KCNAB1: variants seen among roughly 807,000 people sequenced by gnomAD.
KCNAB1 encodes the protein potassium voltage-gated channel subfamily A regulatory beta subunit 1.
In KCNAB1, 35 loss-of-function variants were observed where a neutral mutation model predicts 64.6. The ratio of observed to expected loss-of-function variants is 0.54; its 90% CI spans 0.41 to 0.72. KCNAB1 has a LOEUF of 0.72. Among genes scored for constraint, KCNAB1 ranks in the 30% least tolerant of loss-of-function variants. KCNAB1 has a pLI of 0.00. For synonymous variants in KCNAB1, 177 were observed against 183.8 expected (o/e 0.96, Z 0.30); for missense variants, 401 against 512.9 (o/e 0.78, Z 2.11).
At position 156,444,623 on chromosome 3, in the gene KCNAB1, T is replaced by C. The variant is rs927735067; in HGVS notation, c.320-8276T>C. Among the ~76,000 whole-genome samples, 12 of 152,354 alleles carry C rather than the reference T, an allele frequency of 7.9e-5. No individual in the cohort carries two copies. In the East Asian group the frequency reaches 2.3e-3, roughly 29 times the overall value. ...CCAGCAAGAGGGTATCTTCATTCCA[T>C]GCCCTTCAATTGGTAGAGAGTGCCA... On this transcript the variant is annotated intron_variant, in intron 2 of 13. Transcript: ENST00000490337.
chr3:156,433,344 GT>G (rs1182862797), intron 2 of KCNAB1, among the ~76,000 whole-genome samples: 2 of 152,218 alleles, frequency 1.3e-5, no homozygotes, highest in African/African-American at 4.8e-5. Context: ...AGAGAAAAAG[GT>G]TCTCAATATA....
At position 156,139,584 on chromosome 3, in the gene KCNAB1, G is replaced by GTTTTTTTTTTTT. The variant is rs386398329; in HGVS notation, c.275+18713_275+18724dup. Among the ~76,000 whole-genome samples, 109 of 55,250 alleles carry GTTTTTTTTTTTT rather than the reference G, an allele frequency of 2.0e-3. 8 individuals carry two copies. Among genetic ancestry groups the GTTTTTTTTTTTT allele is most frequent in the African/African-American group, 5.5e-3 (73 of 13,218 alleles). 36.2% of individuals were successfully genotyped at this position (55,250 alleles called of 152,430 possible). A position where few individuals can be genotyped will look rare whatever the true frequency, so the allele number is the denominator to read the frequency against. On this transcript the variant is annotated intron_variant, in intron 1 of 13. Transcript: ENST00000490337. ...TTTCTCCCTAACTCCATTGTACTGTGTTTTTTTTTTTTTTTTTTTTTTTTT... is the reference window on the plus strand; with the variant it reads ...TTTCTCCCTAACTCCATTGTACTGTGTTTTTTTTTTTTTTTTTTTTTTTTTTTTTTTTTTTTT...
chr3:156,332,256 T>C (rs1279607072), intron 1 of KCNAB1, among the ~76,000 whole-genome samples: 1 of 152,186 alleles, frequency 6.6e-6, no homozygotes, highest in Non-Finnish European at 1.5e-5. Flanking sequence ...AGTTTACACA[T>C]GAATTAAAAG....
chr3:156,382,588 G>A (rs1223489076), intron 1 of KCNAB1, among the ~76,000 whole-genome samples: 6 of 152,230 alleles, frequency 3.9e-5, no homozygotes, highest in Non-Finnish European at 1.5e-5. Flanking sequence ...GCCATTTACC[G>A]ACTATTTTTT....
rs1180073518 is a variant in KCNAB1, at chr3:156,291,870, G to A, written c.276-129746G>A. On this transcript the variant is annotated intron_variant, in intron 1 of 13. Coordinates refer to ENST00000490337, the MANE Select transcript of KCNAB1 (RefSeq NM_172160.3). ...AACCTCTCGTGACTGCCTGTGTTCT[G>A]GGGTTCTGAGAGGGACCGTGCGCTG... 7 of 1,611,526 alleles carry A rather than the reference G, an allele frequency of 4.3e-6. No individual in the cohort carries two copies. The East Asian group carries it at 1.6e-4, about 36-fold the overall frequency.
intron 1 of KCNAB1, among the ~76,000 whole-genome samples, chr3:156,316,306 CTT>C (rs1426785961): frequency 6.6e-6 from 1 of 152,240 alleles, no homozygotes; most frequent in African/African-American, 2.4e-5. Flanking sequence ...AGCCTAGACT[CTT>C]TTCTTGACAC....
chr3:156,397,584 A>G (rs957375796), intron 1 of KCNAB1, among the ~76,000 whole-genome samples: 4 of 152,158 alleles, frequency 2.6e-5, no homozygotes, highest in African/African-American at 9.7e-5. Flanking sequence ...AGTTTGGCTC[A>G]CAGTCTATGT....
chr3:156,299,207 AAAG>A (rs1357278408), intron 1 of KCNAB1, among the ~76,000 whole-genome samples: 6 of 152,332 alleles, frequency 3.9e-5, no homozygotes, highest in African/African-American at 1.4e-4. Context: ...TCAACACAGG[AAAG>A]AAGCACAGCA....
intron 11 of KCNAB1, among the ~76,000 whole-genome samples, chr3:156,519,729 G>A (rs1717813513): frequency 6.6e-6 from 1 of 152,182 alleles, no homozygotes; most frequent in African/African-American, 2.4e-5. Context: ...CTCTCTACAT[G>A]TGGGTGTCAT....
chr3:156,190,363 T>G (rs1004965274), intron 1 of KCNAB1, among the ~76,000 whole-genome samples: 2 of 152,156 alleles, frequency 1.3e-5, no homozygotes, highest in Non-Finnish European at 2.9e-5. Flanking sequence ...TATAATTGCA[T>G]CCTTCATTTG....
chr3:156,366,165 A>G (rs1192732619), intron 1 of KCNAB1, among the ~76,000 whole-genome samples: 2 of 152,234 alleles, frequency 1.3e-5, no homozygotes, highest in African/African-American at 4.8e-5. Context: ...GAAGATGGGA[A>G]ATGGCAAACT....
At chr3:156,286,304 A>T (rs1339107314) in intron 1 of KCNAB1, among the ~76,000 whole-genome samples, 1 of 152,244 alleles carries the variant, frequency 6.6e-6, no homozygotes, top group Non-Finnish European at 1.5e-5. Flanking sequence ...TGAATAGCAA[A>T]CTTGCATCCT....
chr3:156,175,776 G>C (rs577751181), intron 1 of KCNAB1: 1 of 575,722 alleles, frequency 1.7e-6, no homozygotes, highest in African/African-American at 1.9e-5. Context: ...CTGAAGGGAG[G>C]GTGCTAGCCT....
chr3:156,286,650 C>T (rs1040404430), intron 1 of KCNAB1, among the ~76,000 whole-genome samples: 1 of 152,174 alleles, frequency 6.6e-6, no homozygotes. Flanking sequence ...TGGTAAAAGA[C>T]ATACTCAAAA....
intron 7 of KCNAB1, among the ~76,000 whole-genome samples, chr3:156,470,152 A>G (rs546248465): frequency 1.3e-5 from 2 of 152,348 alleles, no homozygotes; most frequent in Admixed American, 6.5e-5. Flanking sequence ...CTTTTTAATG[A>G]GCCCAAAGTT....
chr3:156,234,839 T>G (rs1716758113), intron 1 of KCNAB1, among the ~76,000 whole-genome samples: 1 of 152,202 alleles, frequency 6.6e-6, no homozygotes, highest in Non-Finnish European at 1.5e-5. Context: ...TCCTGATATC[T>G]TCACTCACAT....
At chr3:156,177,565 G>A (rs1204889947) in intron 1 of KCNAB1, among the ~76,000 whole-genome samples, 1 of 152,014 alleles carries the variant, frequency 6.6e-6, no homozygotes, top group Middle Eastern at 3.2e-3. Flanking sequence ...TTTTAGTAGA[G>A]ACGGGGTTTC....
intron 1 of KCNAB1, among the ~76,000 whole-genome samples, chr3:156,159,797 CTTTTGATCCACCAG>C (rs1361543884): frequency 6.6e-6 from 1 of 152,066 alleles, no homozygotes; most frequent in Non-Finnish European, 1.5e-5. Context: ...TAATCAAAGG[CTTTTGATCCACCAG>C]TTTTCTCTTT....
Position 156,264,445 on chromosome 3 carries a change from CT to C in KCNAB1, c.275+143565del, listed in dbSNP as rs200776698. 5.6e-3 allele frequency among the ~76,000 whole-genome samples: 858 copies of C among 151,926 alleles called. 9 individuals carry two copies. Among genetic ancestry groups the C allele is most frequent in the South Asian group, 0.016 (79 of 4,822 alleles). ...TATTTATTTTATAAATGTCTTCTTT[CT>C]TTTTTGTCACTCTGTTCCTCTTTGA... is the stretch of plus-strand genomic sequence containing the variant. On this transcript the variant is annotated intron_variant, in intron 1 of 13. Transcript: ENST00000490337.
Sources: gnomAD v4.1 joint callset for allele counts (sites outside exome capture counted in the v4.1 genomes callset) on GRCh38, gnomAD v4.1.1 for gene constraint, MANE v1.5 for transcripts, NCBI Gene and HGNC (gene_info 2026-07-23, HGNC 2026-07-21) for gene names.